The following PCSK5 variants were observed in gnomAD, a reference collection of about 807,000 sequenced individuals.
PCSK5 encodes prohormone convertase 5.
Under a neutral mutation model 233.2 loss-of-function variants are expected in PCSK5, and 129 were observed. That is an observed-to-expected ratio of 0.55 (90% CI 0.48 to 0.64). PCSK5 has a LOEUF of 0.64. Ranked by LOEUF, PCSK5 falls within the 30% of genes least tolerant of loss-of-function variation. PCSK5 has a pLI of 0.00. For missense variants in PCSK5, 2,076 were observed against 2,430.1 expected (o/e 0.85, Z 3.06); for synonymous variants, 825 against 879.2 (o/e 0.94, Z 1.09).
chr9:76,328,072 T>C lies in PCSK5; in HGVS notation c.4403T>C (p.Leu1468Pro), dbSNP rs755825645. ...SGTCTTCQKG[L>P]IMNPRGSCMA... ...ACCTGCACCACCTGTCAGAAAGGCC[T>C]GATCATGAACCCTCGTGGGAGCTGC... The change falls in exon 33 of 38, where the codon CTG becomes CCG. Residue 1468 changes from leucine to proline, a missense_variant. By Grantham distance (98) the Leu-to-Pro change is moderately conservative. Transcript: ENST00000674117. The C allele has an allele frequency of 3.7e-6, 6 of 1,612,894 alleles. No homozygotes were observed. Among genetic ancestry groups the C allele is most frequent in the Non-Finnish European group, 4.2e-6 (5 of 1,179,868 alleles).
At chr9:76,215,814 C>T (rs909410948) in intron 20 of PCSK5, among the ~76,000 whole-genome samples, 6 of 152,142 alleles carry the variant, frequency 3.9e-5, no homozygotes, top group African/African-American at 1.2e-4. Flanking sequence ...GTAGCACACA[C>T]CTGTAGTCCC....
chr9:76,232,313 T>C (rs950603257), intron 21 of PCSK5, among the ~76,000 whole-genome samples: 5 of 152,220 alleles, frequency 3.3e-5, no homozygotes, highest in South Asian at 2.1e-4. Context: ...ATGGCAGCAT[T>C]ATGCCCACGG....
At chr9:76,324,917 T>A (rs542737870) in intron 32 of PCSK5, among the ~76,000 whole-genome samples, 46 of 151,682 alleles carry the variant, frequency 3.0e-4, no homozygotes, top group African/African-American at 9.0e-4. Flanking sequence ...AGCCTGAGAG[T>A]GACCTTCCAC....
intron 24 of PCSK5, among the ~76,000 whole-genome samples, chr9:76,284,895 C>T (rs1029469729): frequency 4.6e-5 from 7 of 152,062 alleles, no homozygotes; most frequent in African/African-American, 1.7e-4. Context: ...TGAAAATGCA[C>T]TAATACATTC....
chr9:76,304,490 G>T (rs931668836), intron 28 of PCSK5, among the ~76,000 whole-genome samples: 1 of 152,216 alleles, frequency 6.6e-6, no homozygotes, highest in Non-Finnish European at 1.5e-5. Context: ...ATGGTGGCAG[G>T]AGAGAATCAA....
chr9:76,184,589 C>T (rs931352104), intron 16 of PCSK5, 84 bp from the exon 17 acceptor site: 1 of 815,876 alleles, frequency 1.2e-6, no homozygotes, highest in Non-Finnish European at 2.0e-6. Context: ...CTGTAGCATA[C>T]ATTAGCAAGC....
intron 20 of PCSK5, chr9:76,194,417 C>G (rs2131257158): frequency 6.6e-6 from 1 of 152,630 alleles, no homozygotes. Context: ...CAACTTTTTT[C>G]AATGGTGCTT....
rs1490277703 is a variant in PCSK5, at chr9:75,995,703, T to A, written c.411+9458T>A. 2.0e-5 allele frequency among the ~76,000 whole-genome samples: 3 copies of A among 151,066 alleles called. No individual in the cohort carries two copies. In the East Asian group the frequency reaches 5.8e-4, roughly 29 times the overall value. The stretch of plus-strand genomic sequence containing the variant: ...GCTAGATGGAGGTCCAATCTGTTAG[T>A]AGTTGCAAATGTTGATGATACTTTT... On this transcript the variant is annotated intron_variant, in intron 3 of 37. Coordinates refer to ENST00000674117, the MANE Select transcript of PCSK5 (RefSeq NM_001372043.1).
chr9:76,237,747 C>G (rs929725189), intron 22 of PCSK5, among the ~76,000 whole-genome samples: 2 of 152,062 alleles, frequency 1.3e-5, no homozygotes, highest in Admixed American at 1.3e-4. Context: ...TGCATTCCAG[C>G]CTGGACAACA....
At chr9:75,928,633 AT>A in intron 1 of PCSK5, among the ~76,000 whole-genome samples, 1 of 133,686 alleles carries the variant, frequency 7.5e-6, no homozygotes, top group African/African-American at 2.9e-5. Context: ...ATATATATAT[AT>A]ATATAATCCT....
chr9:76,212,712 TTTATTCACCATTTGTTATATTCC>T (rs1825377842), intron 20 of PCSK5, among the ~76,000 whole-genome samples: 1 of 152,226 alleles, frequency 6.6e-6, no homozygotes, highest in African/African-American at 2.4e-5. Flanking sequence ...CATAATGACA[TTTATTCACCATTTGTTATATTCC>T]AGACAAACCC....
chr9:76,018,272 T>A (rs1046451069), intron 3 of PCSK5, among the ~76,000 whole-genome samples: 5 of 152,182 alleles, frequency 3.3e-5, no homozygotes, highest in Admixed American at 1.3e-4. Flanking sequence ...GATGTGAGTA[T>A]TTACACTGTG....
At chr9:76,325,137 T>C (rs1323409572) in intron 32 of PCSK5, among the ~76,000 whole-genome samples, 1 of 152,122 alleles carries the variant, frequency 6.6e-6, no homozygotes, top group African/African-American at 2.4e-5. Context: ...TGTGTCCGCA[T>C]GCAGAAGAGG....
At chr9:76,136,989 C>T (rs934742532) in intron 10 of PCSK5, among the ~76,000 whole-genome samples, 3 of 152,078 alleles carry the variant, frequency 2.0e-5, no homozygotes, top group Admixed American at 6.6e-5. Context: ...AACCTCCTTA[C>T]ATTTCTTCAG....
intron 20 of PCSK5, among the ~76,000 whole-genome samples, chr9:76,217,434 T>C (rs1264341340): frequency 6.6e-6 from 1 of 152,214 alleles, no homozygotes; most frequent in Non-Finnish European, 1.5e-5. Context: ...CCAGTATGTT[T>C]CAAAGCACAT....
At chr9:76,337,975 C>T (rs146458896) in intron 34 of PCSK5, among the ~76,000 whole-genome samples, 3,860 of 152,212 alleles carry the variant, frequency 0.025, 62 homozygotes, top group Middle Eastern at 0.044. Flanking sequence ...GTGTTATAAG[C>T]ACTAGGTCTT....
intron 2 of PCSK5, among the ~76,000 whole-genome samples, chr9:75,967,637 A>C (rs142881245): frequency 7.5e-4 from 114 of 152,310 alleles, no homozygotes; most frequent in Middle Eastern, 6.8e-3. Flanking sequence ...AAGCTTTCAA[A>C]AGGTTGCCTG....
intron 9 of PCSK5, among the ~76,000 whole-genome samples, chr9:76,112,959 T>G (rs1278330561): frequency 6.6e-6 from 1 of 152,188 alleles, no homozygotes; most frequent in Non-Finnish European, 1.5e-5. Flanking sequence ...TTGAACAAGG[T>G]CCATTCTCAA....
intron 37 of PCSK5, among the ~76,000 whole-genome samples, chr9:76,354,465 C>G (rs1040135310): frequency 2.0e-5 from 3 of 152,178 alleles, no homozygotes; most frequent in Non-Finnish European, 4.4e-5. Flanking sequence ...CATGCCAAGT[C>G]CATACCAATA....
Sources: gnomAD v4.1 joint callset for allele counts (sites outside exome capture counted in the v4.1 genomes callset) on GRCh38, gnomAD v4.1.1 for gene constraint, MANE v1.5 for transcripts, NCBI Gene and HGNC (gene_info 2026-07-23, HGNC 2026-07-21) for gene names.